P2RX3: variants seen among roughly 807,000 people sequenced by gnomAD.
P2RX3 encodes the protein P2X purinoceptor 3.
P2RX3 carries 41 observed loss-of-function variants against 51.5 expected under a neutral mutation model. The observed-to-expected ratio is 0.80, with a 90% CI of 0.62 to 1.03. The LOEUF (loss-of-function observed/expected upper bound fraction) is 1.03. P2RX3 is among the 50% of genes least tolerant of loss of function. The probability of loss-of-function intolerance (pLI) is 0.00; values close to 1 mark genes in which losing one functional copy is unlikely to be tolerated. For synonymous variants in P2RX3, 185 were observed against 191.6 expected (o/e 0.97, Z 0.29); for missense variants, 459 against 522.1 (o/e 0.88, Z 1.18).
At chr11:57,342,148 CTTTTTTTTTT>C (rs67011422) in intron 1 of P2RX3, among the ~76,000 whole-genome samples, 2 of 48,360 alleles carry the variant, frequency 4.1e-5, no homozygotes, top group African/African-American at 1.8e-4. Context: ...GCTGCCCCAT[CTTTTTTTTTT>C]TTTTTTTTTT....
At chr11:57,349,983 G>T (rs1456325745) in intron 7 of P2RX3, 85 bp downstream of exon 7, 19 of 1,547,666 alleles carry the variant, frequency 1.2e-5, no homozygotes, top group Non-Finnish European at 1.5e-5. Flanking sequence ...GCCGGCACTG[G>T]CCAGGAGCCG....
chr11:57,369,661 C>T (rs74430831), intron 11 of P2RX3, among the ~76,000 whole-genome samples: 9 of 152,102 alleles, frequency 5.9e-5, no homozygotes, highest in African/African-American at 2.2e-4. Context: ...CACCCCGTCA[C>T]CTCCCCTCTC....
At chr11:57,340,313 A>G (rs916879024) in intron 1 of P2RX3, among the ~76,000 whole-genome samples, 10 of 152,146 alleles carry the variant, frequency 6.6e-5, no homozygotes, top group African/African-American at 2.4e-4. Context: ...CTGTCTCATC[A>G]TGATCAGATA....
intron 8 of P2RX3, among the ~76,000 whole-genome samples, chr11:57,361,492 A>T (rs1382893423): frequency 1.3e-5 from 2 of 152,010 alleles, no homozygotes; most frequent in African/African-American, 4.8e-5. Context: ...CCCTCCCTGT[A>T]TCCATGTGTT....
intron 8 of P2RX3, among the ~76,000 whole-genome samples, chr11:57,365,486 G>A (rs1049235782): frequency 1.3e-5 from 2 of 152,220 alleles, no homozygotes; most frequent in African/African-American, 4.8e-5. Context: ...TGGAAACGGA[G>A]GCCAAAGCGG....
At chr11:57,350,025 C>T in intron 7 of P2RX3, 127 bp downstream of exon 7, 1 of 1,399,882 alleles carries the variant, frequency 7.1e-7, no homozygotes, top group Admixed American at 2.2e-5. Flanking sequence ...TGGAAGCATC[C>T]CAGGCCGCCA....
At chr11:57,337,160 C>T (rs1042034827), upstream of P2RX3, among the ~76,000 whole-genome samples, 3 of 151,638 alleles carry the variant, frequency 2.0e-5, no homozygotes, top group East Asian at 3.9e-4. Flanking sequence ...GGCGTGGTGG[C>T]GGGTGCCTAT....
intron 1 of P2RX3, among the ~76,000 whole-genome samples, chr11:57,344,388 T>G (rs905395519): frequency 6.6e-6 from 1 of 152,180 alleles, no homozygotes; most frequent in African/African-American, 2.4e-5. Context: ...CATGAATACG[T>G]ACAATTATTA....
rs377151935 is a variant in P2RX3 at position 57,347,430 on chromosome 11, C to T, written c.343C>T (p.Arg115Cys). The T allele has an allele frequency of 2.2e-5, 34 of 1,559,352 alleles. No homozygotes were observed. The highest frequency in any genetic ancestry group is 1.2e-4 in the African/African-American group (9 of 73,378). Residue 115 changes from arginine to cysteine, a missense_variant, in exon 4 of 12, where the codon CGC becomes TGC. Physicochemically the swap from Arg to Cys is radical, Grantham distance 180. Transcript: ENST00000263314. The part of the protein sequence containing the change: ...GFCPESEEKY[R>C]CVSDSQCGPE... ...CTGCCCACAGAGTGAGGAGAAATAC[C>T]GCTGTGTATCAGACAGCCAGTGCGG...
In P2RX3 at chr11:57,348,154, G is replaced by A. The variant is rs374014342; in HGVS notation, c.392-16G>A. On this transcript the variant is annotated splice_polypyrimidine_tract_variant and intron_variant, in intron 4 of 11. Transcript: ENST00000263314. ...AAGGGCAGGCAGCCACCCAGCAGCT[G>A]TGGCTCTCACTTTAGGGATCCTCAC... The A allele has an allele frequency of 5.1e-6, 8 of 1,566,024 alleles. No individual in the cohort carries two copies. The African/African-American group carries it at 9.4e-5, about 18-fold the overall frequency.
In P2RX3 at chr11:57,346,571, C is replaced by T; in HGVS notation, c.147C>T (p.Tyr49=). The change falls in exon 2 of 12, where the codon TAC becomes TAT. Residue 49 remains tyrosine (Y), a synonymous_variant. Transcript: ENST00000263314. The part of the protein sequence containing the change: ...VGWVFLHEKA[Y]QVRDTAIESS... ...GGGTTTTCTTGCACGAGAAGGCTTA[C>T]CAGGTACGGGACACAGCCATTGAGT... 6.2e-7 allele frequency: 1 copy of T among 1,614,140 alleles called. No individual in the cohort carries two copies. The highest frequency in any genetic ancestry group is 1.1e-5 in the South Asian group (1 of 91,076).
chr11:57,347,575 C>T, intron 4 of P2RX3, 97 bp downstream of exon 4: 1 of 1,306,770 alleles, frequency 7.7e-7, no homozygotes, highest in Non-Finnish European at 1.1e-6. Flanking sequence ...CCAGCCTGTT[C>T]CATGTCATTC....
chr11:57,348,318 C>T, intron 5 of P2RX3, 55 bp downstream of exon 5: 1 of 1,463,666 alleles, frequency 6.8e-7, no homozygotes, highest in Non-Finnish European at 9.3e-7. Flanking sequence ...CTCCCCTTTG[C>T]CCATGTGGGA....
intron 8 of P2RX3, 150 bp downstream of exon 8, chr11:57,351,048 A>G: frequency 2.6e-6 from 3 of 1,145,204 alleles, no homozygotes; most frequent in Middle Eastern, 2.3e-4. Flanking sequence ...AGGACTCTCT[A>G]ACAGCCATTA....
At chr11:57,347,061 T>C in intron 2 of P2RX3, 55 bp from the exon 3 acceptor site, 1 of 1,485,878 alleles carries the variant, frequency 6.7e-7, no homozygotes, top group Admixed American at 1.7e-5. Flanking sequence ...TTATAGTCCC[T>C]GTCTCACTGA....
rs560427119 is a variant in P2RX3, at chr11:57,360,811, A to G, written c.843-7198A>G. Among the ~76,000 whole-genome samples, 93 of 150,794 alleles carry G rather than the reference A, an allele frequency of 6.2e-4. 3 individuals are homozygous for G. The highest frequency in any genetic ancestry group is 1.8e-3 in the African/African-American group (73 of 41,412). ...ACTCTGTCTCAAAAAAAAAAAGAAA[A>G]AAAGAAAGAAAAAGAAACAGCGAGA... is the stretch of plus-strand genomic sequence containing the variant. On this transcript the variant is annotated intron_variant, in intron 8 of 11. Coordinates refer to ENST00000263314, the MANE Select transcript of P2RX3 (RefSeq NM_002559.5).
At chr11:57,355,553 C>A (rs1315210587) in intron 8 of P2RX3, among the ~76,000 whole-genome samples, 1 of 152,096 alleles carries the variant, frequency 6.6e-6, no homozygotes. Flanking sequence ...GTTGGCCAGG[C>A]TGGTCTCGAA....
intron 8 of P2RX3, among the ~76,000 whole-genome samples, chr11:57,361,692 T>C (rs1016689352): frequency 1.3e-5 from 2 of 152,234 alleles, no homozygotes; most frequent in Admixed American, 6.5e-5. Flanking sequence ...AGTCTATCAT[T>C]GATGGGCATT....
chr11:57,338,531 C>T lies in P2RX3; in HGVS notation c.-20C>T. 1 of 1,547,560 alleles carries T rather than the reference C, an allele frequency of 6.5e-7. No individual in the cohort carries two copies. The highest frequency in any genetic ancestry group is 1.1e-5 in the South Asian group (1 of 87,642). On this transcript the variant is annotated 5_prime_UTR_variant, in exon 1 of 12. Coordinates refer to ENST00000263314, the MANE Select transcript of P2RX3 (RefSeq NM_002559.5). ...CACCACTGGGCCCCCTTCTGAGTGT[C>T]CCCTGAGCACTCTCTCAGCATGAAC...
Sources: allele counts gnomAD v4.1 joint callset (sites outside exome capture counted in the v4.1 genomes callset), GRCh38; gene constraint gnomAD v4.1.1; transcripts MANE v1.5; gene names NCBI Gene and HGNC (gene_info 2026-07-23, HGNC 2026-07-21).